CD47: variants seen among roughly 807,000 people sequenced by gnomAD.
CD47 encodes CD47 molecule.
In CD47, 11 loss-of-function variants were observed where a neutral mutation model predicts 44.6. The ratio of observed to expected loss-of-function variants is 0.25; its 90% CI spans 0.16 to 0.41. The LOEUF (loss-of-function observed/expected upper bound fraction) is 0.41, where lower values mean the gene tolerates loss of function less well. Among genes scored for constraint, CD47 ranks in the 10% least tolerant of loss-of-function variants. CD47 has a pLI of 1.00. For missense variants in CD47, 306 were observed against 386.7 expected, an observed-to-expected ratio of 0.79 and a Z score of 1.75; for synonymous variants, 140 against 136.3, an observed-to-expected ratio of 1.03 and a Z score of -0.19.
rs76752039 is a variant in CD47 at position 108,072,800 on chromosome 3, T to C, written c.401-1618A>G. ...TGTATGGTCTAATAGCCATGCTTAA[T>C]TGATGTATTTTTCCTTACTTCCCCT... On this transcript the variant is annotated intron_variant, in intron 2 of 10. Transcript: ENST00000361309. Among the ~76,000 whole-genome samples, 225 of 152,302 alleles carry C rather than the reference T, an allele frequency of 1.5e-3. 1 individual carries two copies. Among genetic ancestry groups the C allele is most frequent in the African/African-American group, 5.3e-3 (219 of 41,554 alleles).
intron 2 of CD47, among the ~76,000 whole-genome samples, chr3:108,078,276 T>C (rs2079346986): frequency 6.6e-6 from 1 of 152,084 alleles, no homozygotes; most frequent in South Asian, 2.1e-4. Context: ...ATAAGTCTAG[T>C]TTTTATTTTT....
intron 3 of CD47, among the ~76,000 whole-genome samples, chr3:108,062,930 A>G (rs2079041334): frequency 1.3e-5 from 2 of 151,786 alleles, no homozygotes; most frequent in African/African-American, 4.8e-5. Context: ...CTGGGATTAC[A>G]GGTGTGAGCC....
intron 2 of CD47, among the ~76,000 whole-genome samples, chr3:108,078,833 A>G (rs1348799214): frequency 6.6e-6 from 1 of 152,060 alleles, no homozygotes; most frequent in Non-Finnish European, 1.5e-5. Context: ...CCAGGAAAAC[A>G]ACTAACATTT....
chr3:108,059,441 T>C lies in CD47; in HGVS notation c.691+11A>G, dbSNP rs538337152. 3.1e-6 allele frequency: 4 copies of C among 1,306,978 alleles called. No homozygotes were observed. Among genetic ancestry groups the C allele is most frequent in the East Asian group, 5.4e-5 (2 of 36,732 alleles). 81.0% of individuals were successfully genotyped at this position (1,306,978 alleles called of 1,614,324 possible). On this transcript the variant is annotated intron_variant, in intron 5 of 10. Transcript: ENST00000361309. Reference sequence around the variant, plus strand: ...GGTAGACAAAATCATACTGTAACAATGAAAACTCACCTGTACTAAACACAT... The same window carrying C: ...GGTAGACAAAATCATACTGTAACAACGAAAACTCACCTGTACTAAACACAT...
intron 2 of CD47, among the ~76,000 whole-genome samples, chr3:108,077,711 CA>C (rs1358817007): frequency 4.9e-5 from 7 of 143,288 alleles, no homozygotes; most frequent in Admixed American, 6.9e-5. Flanking sequence ...TACTACTCAG[CA>C]AAAAAAAAAG....
chr3:108,059,584 A>G, intron 4 of CD47, 40 bp from the exon 5 acceptor site: 2 of 1,066,190 alleles, frequency 1.9e-6, no homozygotes, highest in Non-Finnish European at 2.7e-6. Context: ...TTTCCTACAT[A>G]CTTTTTAAAT....
intron 7 of CD47, among the ~76,000 whole-genome samples, chr3:108,054,957 A>C (rs1030361508): frequency 6.6e-6 from 1 of 152,202 alleles, no homozygotes; most frequent in Non-Finnish European, 1.5e-5. Flanking sequence ...TACAAACAAC[A>C]AGCCCAACTT....
intron 4 of CD47, 108 bp downstream of exon 4, chr3:108,060,637 G>T: frequency 1.4e-6 from 1 of 712,580 alleles, no homozygotes; most frequent in Middle Eastern, 2.4e-4. Context: ...AAGCCACCCA[G>T]TTTGTGGTCA....
rs148234539 is a variant in CD47 at position 108,063,786 on chromosome 3, C to A, written c.491-2934G>T. Among the ~76,000 whole-genome samples, 335 of 152,238 alleles carry A rather than the reference C, an allele frequency of 2.2e-3. 1 individual carries two copies. Among genetic ancestry groups the A allele is most frequent in the African/African-American group, 7.5e-3 (312 of 41,544 alleles). On this transcript the variant is annotated intron_variant, in intron 3 of 10. Coordinates refer to ENST00000361309, the MANE Select transcript of CD47 (RefSeq NM_001777.4). Reference sequence around the variant, plus strand: ...CAATCTATGTAATTTTTAAAATCTGCATGCTCTTAAGGATTACCCTCAGCT... The same window carrying A: ...CAATCTATGTAATTTTTAAAATCTGAATGCTCTTAAGGATTACCCTCAGCT...
intron 2 of CD47, among the ~76,000 whole-genome samples, chr3:108,079,594 A>AAAAC (rs1553728413): frequency 2.0e-5 from 3 of 146,434 alleles, no homozygotes; most frequent in African/African-American, 5.0e-5. Context: ...AAAAAAAAAA[A>AAAAC]ACACAAAAAA....
chr3:108,046,323 T>C lies in CD47; in HGVS notation c.*965A>G, dbSNP rs530461014. The C allele has an allele frequency of 6.5e-6, 1 of 152,794 alleles. No individual in the cohort carries two copies. Among genetic ancestry groups the C allele is most frequent in the South Asian group, 2.1e-4 (1 of 4,828 alleles). The allele number at this position is 152,794 out of a possible 1,614,324, so 9.5% of individuals were successfully genotyped here. ...TAGTTCAAATTTCAATCTTGCTTTTTTCATGCCCCAGATCAGAAAAGAAGT... is the reference window on the plus strand; with the variant it reads ...TAGTTCAAATTTCAATCTTGCTTTTCTCATGCCCCAGATCAGAAAAGAAGT... On this transcript the variant is annotated 3_prime_UTR_variant, in exon 11 of 11. Coordinates refer to ENST00000361309, the MANE Select transcript of CD47 (RefSeq NM_001777.4).
At position 108,062,642 on chromosome 3, in the gene CD47, CTTTTTTTTTT is replaced by C. The variant is rs774152967; in HGVS notation, c.491-1800_491-1791del. Among the ~76,000 whole-genome samples, 4 of 138,108 alleles carry C rather than the reference CTTTTTTTTTT, an allele frequency of 2.9e-5. No homozygotes were observed. The Admixed American group carries it at 2.9e-4, about 10-fold the overall frequency. The allele number at this position is 138,108 out of a possible 152,430, so 90.6% of individuals were successfully genotyped here. ...TCTTCTATATTTTTCTTTTTCTTTT[CTTTTTTTTTT>C]TTTTTGGAGACAGAGTCTCTCACTC... On this transcript the variant is annotated intron_variant, in intron 3 of 10. Transcript: ENST00000361309.
intron 4 of CD47, 38 bp downstream of exon 4, chr3:108,060,707 T>C (rs1168479354): frequency 2.2e-6 from 3 of 1,362,292 alleles, no homozygotes; most frequent in African/African-American, 2.9e-5. Context: ...TGCACTCATC[T>C]ACCTCCTGCG....
intron 2 of CD47, among the ~76,000 whole-genome samples, chr3:108,079,133 T>C (rs2079365755): frequency 6.6e-6 from 1 of 151,990 alleles, no homozygotes; most frequent in African/African-American, 2.4e-5. Context: ...GAACTGAACC[T>C]ATCTAGAGTT....
rs192947692 is a variant in CD47, at chr3:108,089,789, C to A, written c.46+1074G>T. 2.0e-4 allele frequency among the ~76,000 whole-genome samples: 31 copies of A among 152,180 alleles called. No individual in the cohort carries two copies. The East Asian group carries it at 2.1e-3, about 10-fold the overall frequency. ...CCGAGGCTAATAATCAGTTTAAAAT[C>A]GAATTAATTTAGCATTCTAGAATAA... is the stretch of plus-strand genomic sequence containing the variant. On this transcript the variant is annotated intron_variant, in intron 1 of 10. Transcript: ENST00000361309.
chr3:108,081,158 T>G (rs1487822909), intron 1 of CD47, among the ~76,000 whole-genome samples: 1 of 151,956 alleles, frequency 6.6e-6, no homozygotes, highest in Non-Finnish European at 1.5e-5. Context: ...GAGCAGTTAC[T>G]GCTAATAAGC....
chr3:108,070,316 A>G (rs2079177295), intron 3 of CD47, among the ~76,000 whole-genome samples: 1 of 152,238 alleles, frequency 6.6e-6, no homozygotes, highest in Non-Finnish European at 1.5e-5. Flanking sequence ...ACAAGGAAAG[A>G]AGGAATAAAT....
rs1309424154 is a variant in CD47, at chr3:108,045,666, T to A, written c.*1622A>T. On this transcript the variant is annotated 3_prime_UTR_variant, in exon 11 of 11. Transcript: ENST00000361309. ...ATGGGCAAACTACTTGGTCCCAACA[T>A]GAAATATGACAATCAATTTGGCATA... 6.6e-6 allele frequency: 1 copy of A among 152,670 alleles called. No individual in the cohort carries two copies. The highest frequency in any genetic ancestry group is 6.5e-5 in the Admixed American group (1 of 15,294). 9.5% of individuals were successfully genotyped at this position (152,670 alleles called of 1,614,324 possible).
intron 3 of CD47, among the ~76,000 whole-genome samples, chr3:108,061,773 C>A (rs546085810): frequency 6.6e-6 from 1 of 152,232 alleles, no homozygotes; most frequent in African/African-American, 2.4e-5. Context: ...AAAGAAACAG[C>A]GTGTGATTGA....
Sources: allele counts gnomAD v4.1 joint callset (sites outside exome capture counted in the v4.1 genomes callset), GRCh38; gene constraint gnomAD v4.1.1; transcripts MANE v1.5; gene names NCBI Gene and HGNC (gene_info 2026-07-23, HGNC 2026-07-21).